PRKG1: variants seen among roughly 807,000 people sequenced by gnomAD.
PRKG1 encodes cGMP-dependent protein kinase 1.
In PRKG1, 35 loss-of-function variants were observed where a neutral mutation model predicts 88.1. The ratio of observed to expected loss-of-function variants is 0.40; its 90% CI spans 0.30 to 0.53. PRKG1 has a LOEUF of 0.53. PRKG1 is among the 20% of genes least tolerant of loss of function. The probability of loss-of-function intolerance (pLI) is 0.59; values close to 1 mark genes in which losing one functional copy is unlikely to be tolerated. For missense variants in PRKG1, 540 were observed against 839.8 expected, an observed-to-expected ratio of 0.64 and a Z score of 4.41; for synonymous variants, 303 against 292.5, an observed-to-expected ratio of 1.04 and a Z score of -0.37.
chr10:51,162,064 C>T (rs1181504538), intron 2 of PRKG1, among the ~76,000 whole-genome samples: 2 of 152,126 alleles, frequency 1.3e-5, no homozygotes, highest in African/African-American at 2.4e-5. Context: ...ACATGATTTT[C>T]AGTGATTTCT....
intron 1 of PRKG1, among the ~76,000 whole-genome samples, chr10:51,078,616 ATTTATTTATT>A (rs1844027754): frequency 6.9e-6 from 1 of 145,198 alleles, no homozygotes. Flanking sequence ...TTATTTATTT[ATTTATTTATT>A]TATTTATTGA....
intron 5 of PRKG1, among the ~76,000 whole-genome samples, chr10:51,927,117 T>C (rs998087220): frequency 4.6e-5 from 7 of 152,064 alleles, no homozygotes; most frequent in Non-Finnish European, 1.0e-4. Context: ...GATGATATGG[T>C]TTGACCATAT....
chr10:52,199,118 A>T (rs1839589806), intron 9 of PRKG1, among the ~76,000 whole-genome samples: 1 of 151,930 alleles, frequency 6.6e-6, no homozygotes, highest in South Asian at 2.1e-4. Context: ...ATTCTGTTTC[A>T]ATGTAAGGTT....
At position 51,868,293 on chromosome 10, in the gene PRKG1, C is replaced by A. The variant is rs941110147; in HGVS notation, c.699-39214C>A. Among the ~76,000 whole-genome samples the A allele has an allele frequency of 2.0e-4, 30 of 152,008 alleles. 1 individual carries two copies. Among genetic ancestry groups the A allele is most frequent in the Admixed American group, 2.0e-3 (30 of 15,252 alleles). ...CCATGGGACAGTAAGGATGAAGCGC[C>A]AACTAGAGCAGAGGGCATGATGGAG... is the stretch of plus-strand genomic sequence containing the variant. On this transcript the variant is annotated intron_variant, in intron 4 of 17. Coordinates refer to ENST00000373980, the MANE Select transcript of PRKG1 (RefSeq NM_006258.4).
At chr10:51,871,886 T>G (rs927176659) in intron 4 of PRKG1, among the ~76,000 whole-genome samples, 4 of 152,326 alleles carry the variant, frequency 2.6e-5, no homozygotes, top group Admixed American at 6.5e-5. Flanking sequence ...GGAGCATCCC[T>G]GTGCTTGAAA....
At chr10:52,203,700 T>C (rs1437958042) in intron 9 of PRKG1, among the ~76,000 whole-genome samples, 1 of 152,250 alleles carries the variant, frequency 6.6e-6, no homozygotes, top group African/African-American at 2.4e-5. Context: ...TGCTCATGCA[T>C]TGGATGCATG....
chr10:51,083,702 C>T (rs976217964), intron 1 of PRKG1, among the ~76,000 whole-genome samples: 5 of 152,084 alleles, frequency 3.3e-5, no homozygotes. Context: ...AGGTCGGAGA[C>T]GACACCTGCA....
chr10:51,533,435 C>A (rs1162002394), intron 3 of PRKG1, among the ~76,000 whole-genome samples: 1 of 152,084 alleles, frequency 6.6e-6, no homozygotes, highest in Non-Finnish European at 1.5e-5. Flanking sequence ...AGTCCCTGAC[C>A]CTCAAGCATT....
rs528274120 is a variant in PRKG1 at position 51,302,241 on chromosome 10, G to A, written c.478+148911G>A. On this transcript the variant is annotated intron_variant, in intron 2 of 17. Transcript: ENST00000373980. Reference sequence around the variant, plus strand: ...GGGCCTTATAAGCATGTCTTCCAGAGACGTTTAAAAACTTTTATTCAAATT... The same window carrying A: ...GGGCCTTATAAGCATGTCTTCCAGAAACGTTTAAAAACTTTTATTCAAATT... Among the ~76,000 whole-genome samples, 53 of 152,304 alleles carry A rather than the reference G, an allele frequency of 3.5e-4. 1 individual carries two copies. In the South Asian group the frequency reaches 0.011, roughly 31 times the overall value.
intron 3 of PRKG1, among the ~76,000 whole-genome samples, chr10:51,634,001 T>C (rs1839592868): frequency 6.6e-6 from 1 of 152,130 alleles, no homozygotes; most frequent in African/African-American, 2.4e-5. Context: ...CAGGATTTAA[T>C]AAAAAATGTT....
At chr10:51,652,203 C>T (rs1295464640) in intron 3 of PRKG1, among the ~76,000 whole-genome samples, 1 of 151,990 alleles carries the variant, frequency 6.6e-6, no homozygotes, top group African/African-American at 2.4e-5. Context: ...TATACTATTA[C>T]AACTCCTTTG....
intron 9 of PRKG1, among the ~76,000 whole-genome samples, chr10:52,162,599 A>G (rs1230770051): frequency 2.0e-5 from 3 of 152,126 alleles, no homozygotes; most frequent in South Asian, 4.1e-4. Context: ...ATTTAATAGC[A>G]TATAGCATAC....
At chr10:51,222,853 T>C (rs1273679928) in intron 2 of PRKG1, among the ~76,000 whole-genome samples, 2 of 152,134 alleles carry the variant, frequency 1.3e-5, no homozygotes, top group Non-Finnish European at 2.9e-5. Flanking sequence ...GGAAATATAA[T>C]TGATAAACAA....
intron 3 of PRKG1, among the ~76,000 whole-genome samples, chr10:51,761,403 T>C (rs1488724279): frequency 6.6e-6 from 1 of 152,236 alleles, no homozygotes; most frequent in African/African-American, 2.4e-5. Context: ...CTGAGTATTC[T>C]ATGTATTTGA....
At chr10:51,390,079 G>A (rs1837357879) in intron 2 of PRKG1, among the ~76,000 whole-genome samples, 1 of 152,194 alleles carries the variant, frequency 6.6e-6, no homozygotes, top group Non-Finnish European at 1.5e-5. Flanking sequence ...GAGGCATTCA[G>A]TTGAATAAGC....
intron 2 of PRKG1, among the ~76,000 whole-genome samples, chr10:51,361,577 G>GT (rs921904066): frequency 5.9e-5 from 9 of 151,850 alleles, no homozygotes; most frequent in Admixed American, 5.3e-4. Context: ...AATTTAAGAG[G>GT]TTTTTTCTTC....
intron 3 of PRKG1, among the ~76,000 whole-genome samples, chr10:51,487,562 C>T (rs1381991666): frequency 6.6e-6 from 1 of 152,052 alleles, no homozygotes; most frequent in Non-Finnish European, 1.5e-5. Context: ...TTGTATAATC[C>T]CTTTCCGTTG....
At chr10:51,155,733 C>T (rs749518147) in intron 2 of PRKG1, among the ~76,000 whole-genome samples, 5 of 151,912 alleles carry the variant, frequency 3.3e-5, no homozygotes, top group Non-Finnish European at 7.4e-5. Context: ...TGCTGCAATT[C>T]GAGTCTGAAA....
At chr10:51,653,755 G>T (rs1347135664) in intron 3 of PRKG1, among the ~76,000 whole-genome samples, 3 of 151,828 alleles carry the variant, frequency 2.0e-5, no homozygotes, top group Admixed American at 6.6e-5. Context: ...TTTAACAGAG[G>T]TGGGGTTTCA....
Sources: gnomAD v4.1 joint callset for allele counts (sites outside exome capture counted in the v4.1 genomes callset) on GRCh38, gnomAD v4.1.1 for gene constraint, MANE v1.5 for transcripts, NCBI Gene and HGNC (gene_info 2026-07-23, HGNC 2026-07-21) for gene names.